Variants in EWSR1 observed in about 807,000 individuals in gnomAD.
EWSR1 encodes the protein EWS RNA binding protein 1.
A neutral mutation model predicts 92.1 loss-of-function variants in EWSR1; 14 were observed. The observed-to-expected ratio is 0.15, with a 90% CI of 0.10 to 0.24. The LOEUF (loss-of-function observed/expected upper bound fraction) is 0.24. Ranked by LOEUF, EWSR1 falls within the 10% of genes least tolerant of loss-of-function variation. EWSR1 has a pLI of 1.00. For missense variants in EWSR1, 637 were observed against 870.9 expected, an observed-to-expected ratio of 0.73 and a Z score of 3.38; for synonymous variants, 303 against 292.9, an observed-to-expected ratio of 1.03 and a Z score of -0.35.
chr22:29,295,978 A>T (rs545662972), intron 11 of EWSR1: 2 of 373,660 alleles, frequency 5.4e-6, no homozygotes, highest in African/African-American at 4.1e-5. Context: ...GGGCAGGCAA[A>T]CCAGCATCAG....
rs761300168 is a variant in EWSR1 at position 29,273,735 on chromosome 22, G to C, written c.103-6G>C. 2 of 1,599,274 alleles carry C rather than the reference G, an allele frequency of 1.3e-6. No homozygotes were observed. On this transcript the variant is annotated splice_polypyrimidine_tract_variant and splice_region_variant and intron_variant, in intron 3 of 16. Coordinates refer to ENST00000397938, the MANE Select transcript of EWSR1 (RefSeq NM_005243.4). ...AAGTTCTTGCATTCGTTTTTTTTTG[G>C]AGCAGGCATATGGGCAACAAAGCTA...
At chr22:29,290,801 C>T (rs776724904) in intron 8 of EWSR1, 20 of 592,208 alleles carry the variant, frequency 3.4e-5, no homozygotes, top group Non-Finnish European at 4.6e-5. Flanking sequence ...AACTCAGGGC[C>T]TCCCACTGGG....
intron 1 of EWSR1, among the ~76,000 whole-genome samples, chr22:29,271,864 T>A (rs1326834257): frequency 6.6e-6 from 1 of 152,246 alleles, no homozygotes. Context: ...AAACTTCTGA[T>A]CCTGTTAGTA....
chr22:29,297,786 G>GAGT (rs774288194), intron 12 of EWSR1, 41 bp from the exon 13 acceptor site: 3 of 1,609,696 alleles, frequency 1.9e-6, no homozygotes, highest in Non-Finnish European at 2.5e-6. Flanking sequence ...GGTGAACAGG[G>GAGT]AGTACAGGGG....
At chr22:29,277,392 CAA>C (rs546777035) in intron 4 of EWSR1, 1 of 221,972 alleles carries the variant, frequency 4.5e-6, no homozygotes, top group Admixed American at 5.7e-5. Context: ...AAATAATTTA[CAA>C]AAAAAGGATA....
Position 29,282,393 on chromosome 22 carries a change from G to C in EWSR1, c.417G>C (p.Pro139=), listed in dbSNP as rs758898123. ...QQPAATAPTR[P]QDGNKPTETS... ...TATTTATTATTTCTCCTCTTAGACCGCAGGATGGAAACAAGCCCACTGAGA... is the reference window on the plus strand; with the variant it reads ...TATTTATTATTTCTCCTCTTAGACCCCAGGATGGAAACAAGCCCACTGAGA... The change falls in exon 6 of 17, where the codon CCG becomes CCC. Residue 139 remains proline, a synonymous_variant. Coordinates refer to ENST00000397938, the MANE Select transcript of EWSR1 (RefSeq NM_005243.4). 1 of 1,576,040 alleles carries C rather than the reference G, an allele frequency of 6.3e-7. No individual in the cohort carries two copies. The highest frequency in any genetic ancestry group is 1.2e-5 in the South Asian group (1 of 83,326).
chr22:29,292,442 C>G, intron 10 of EWSR1, 46 bp from the exon 11 acceptor site: 1 of 1,308,232 alleles, frequency 7.6e-7, no homozygotes, highest in Non-Finnish European at 1.1e-6. Flanking sequence ...TAAGAAACCC[C>G]TATAGATACA....
At chr22:29,268,901 G>A (rs1476928315) in intron 1 of EWSR1, among the ~76,000 whole-genome samples, 1 of 152,260 alleles carries the variant, frequency 6.6e-6, no homozygotes, top group Non-Finnish European at 1.5e-5. Flanking sequence ...CGGCTGGGGC[G>A]TCTGGCGCTG....
intron 1 of EWSR1, among the ~76,000 whole-genome samples, chr22:29,270,720 G>T (rs1017997623): frequency 6.6e-6 from 1 of 152,186 alleles, no homozygotes; most frequent in Non-Finnish European, 1.5e-5. Flanking sequence ...CTCAAGCAAA[G>T]ACCTCAACAA....
At chr22:29,273,905 A>G (rs753517462) in intron 4 of EWSR1, 41 bp downstream of exon 4, 3 of 1,610,930 alleles carry the variant, frequency 1.9e-6, no homozygotes, top group Non-Finnish European at 2.5e-6. Context: ...CGTTCTGGCT[A>G]GGGCATTGGC....
intron 8 of EWSR1, chr22:29,289,443 T>G (rs1259157352): frequency 8.6e-6 from 2 of 231,954 alleles, no homozygotes; most frequent in African/African-American, 4.4e-5. Context: ...CACAATCTGG[T>G]TTAGAAAACT....
chr22:29,275,285 C>T (rs1174926481), intron 4 of EWSR1, among the ~76,000 whole-genome samples: 3 of 152,088 alleles, frequency 2.0e-5, no homozygotes, highest in Non-Finnish European at 2.9e-5. Context: ...TCTAGCCTTC[C>T]GAATCCTTAG....
At chr22:29,282,862 A>G (rs2059719240) in intron 6 of EWSR1, among the ~76,000 whole-genome samples, 1 of 148,206 alleles carries the variant, frequency 6.7e-6, no homozygotes, top group African/African-American at 2.5e-5. Flanking sequence ...TCCTGGGTTC[A>G]CGCCATTCTC....
intron 7 of EWSR1, among the ~76,000 whole-genome samples, chr22:29,287,819 A>G (rs989077080): frequency 6.6e-6 from 1 of 152,208 alleles, no homozygotes; most frequent in Admixed American, 6.5e-5. Context: ...ATTGCAGGCC[A>G]CTATGATTTT....
At chr22:29,299,980 GGC>G in intron 16 of EWSR1, 129 bp downstream of exon 16, 12 of 1,431,652 alleles carry the variant, frequency 8.4e-6, no homozygotes, top group East Asian at 2.4e-5. Context: ...GCCAGGAAGG[GGC>G]ACCTGGGGGC....
chr22:29,290,351 T>C, intron 8 of EWSR1: 1 of 1,527,108 alleles, frequency 6.5e-7, no homozygotes, highest in East Asian at 2.3e-5. Context: ...TATTTTGATA[T>C]TTTCATTGGC....
chr22:29,298,726 G>A lies in EWSR1; in HGVS notation c.1418-7G>A. On this transcript the variant is annotated splice_polypyrimidine_tract_variant and splice_region_variant and intron_variant, in intron 13 of 16. Transcript: ENST00000397938. ...TGATTTGCTGTTTCTTGTTGTTCTT[G>A]TTGTAGGTCCAGGAGGCCCAGGAGG... is the stretch of plus-strand genomic sequence containing the variant. 2 of 1,612,858 alleles carry A rather than the reference G, an allele frequency of 1.2e-6. No homozygotes were observed. Among genetic ancestry groups the A allele is most frequent in the Non-Finnish European group, 8.5e-7 (1 of 1,179,870 alleles).
intron 4 of EWSR1, 135 bp downstream of exon 4, chr22:29,273,999 GTA>G (rs1015016457): frequency 2.5e-6 from 3 of 1,191,482 alleles, no homozygotes; most frequent in Non-Finnish European, 3.5e-6. Context: ...TTAGGAAGAG[GTA>G]TTTTTTCTCT....
At chr22:29,288,175 A>G (rs922791105) in intron 7 of EWSR1, among the ~76,000 whole-genome samples, 2 of 152,214 alleles carry the variant, frequency 1.3e-5, no homozygotes, top group Non-Finnish European at 2.9e-5. Flanking sequence ...CATTCTATCC[A>G]CGGGGATTTC....
Sources: gnomAD v4.1 joint callset for allele counts (sites outside exome capture counted in the v4.1 genomes callset) on GRCh38, gnomAD v4.1.1 for gene constraint, MANE v1.5 for transcripts, NCBI Gene and HGNC (gene_info 2026-07-23, HGNC 2026-07-21) for gene names.